DECR1: variants seen among roughly 807,000 people sequenced by gnomAD.
DECR1 encodes the protein 2,4-dienoyl-CoA reductase [(3E)-enoyl-CoA-producing], mitochondrial.
In DECR1, 44 loss-of-function variants were observed where a neutral mutation model predicts 38.8. The observed-to-expected ratio is 1.13, with a 90% CI of 0.89 to 1.46. The LOEUF (loss-of-function observed/expected upper bound fraction) is 1.46, where lower values mean the gene tolerates loss of function less well. DECR1 is among the 40% of genes most tolerant of loss of function. DECR1 has a pLI of 0.00. For synonymous variants in DECR1, 148 were observed against 135.2 expected (o/e 1.09, Z -0.66); for missense variants, 428 against 405.5 (o/e 1.06, Z -0.48).
At chr8:90,016,674 C>T (rs554320982) in intron 1 of DECR1, 33 of 158,300 alleles carry the variant, frequency 2.1e-4, no homozygotes, top group Admixed American at 3.9e-4. Context: ...AAAACAAAAC[C>T]AAAAACCAAA....
At chr8:90,002,678 G>A (rs1416520993) in intron 1 of DECR1, among the ~76,000 whole-genome samples, 1 of 152,338 alleles carries the variant, frequency 6.6e-6, no homozygotes, top group East Asian at 1.9e-4. Context: ...ATGGGCAGCA[G>A]TAGTTCCAAA....
chr8:90,017,351 TG>T (rs1207753737), intron 2 of DECR1, 25 bp downstream of exon 2: 1 of 1,592,130 alleles, frequency 6.3e-7, no homozygotes, highest in Admixed American at 1.8e-5. Context: ...TCAAGCCTAT[TG>T]GCGACGCTTT....
intron 1 of DECR1, chr8:90,005,474 C>G (rs375027276): frequency 4.4e-6 from 2 of 455,804 alleles, no homozygotes; most frequent in East Asian, 7.0e-5. Context: ...AGATGGAAGC[C>G]AAAGTATCAC....
At chr8:90,016,000 A>G (rs1017094181) in intron 1 of DECR1, among the ~76,000 whole-genome samples, 3 of 152,226 alleles carry the variant, frequency 2.0e-5, no homozygotes, top group African/African-American at 4.8e-5. Flanking sequence ...GTTAGCTCCT[A>G]TTGTTCATTA....
chr8:90,012,049 A>G (rs1812896631), intron 1 of DECR1, among the ~76,000 whole-genome samples: 1 of 151,486 alleles, frequency 6.6e-6, no homozygotes, highest in South Asian at 2.1e-4. Context: ...ATGGTCGTAT[A>G]TTTGTTTTTT....
At chr8:90,025,903 C>T (rs562333717) in intron 5 of DECR1, among the ~76,000 whole-genome samples, 1 of 152,190 alleles carries the variant, frequency 6.6e-6, no homozygotes, top group African/African-American at 2.4e-5. Flanking sequence ...CCCATCAATA[C>T]CTAATTTATT....
intron 6 of DECR1, 122 bp from the exon 7 acceptor site, chr8:90,042,606 G>T (rs968207675): frequency 5.1e-6 from 4 of 783,868 alleles, no homozygotes; most frequent in Non-Finnish European, 8.8e-6. Flanking sequence ...AACAATAATA[G>T]TACCTACCTG....
Position 90,016,994 on chromosome 8 carries a change from A to G in DECR1, c.70-130A>G, listed in dbSNP as rs1236117574. On this transcript the variant is annotated intron_variant, in intron 1 of 9. Transcript: ENST00000220764. ...AAGAATAATAATTAAGTACAATACC[A>G]ATATGTTTGCAGTGAGTTTGTGTTA... is the stretch of plus-strand genomic sequence containing the variant. 27 of 649,744 alleles carry G rather than the reference A, an allele frequency of 4.2e-5. No homozygotes were observed. The Admixed American group carries it at 7.6e-4, about 18-fold the overall frequency. The allele number at this position is 649,744 out of a possible 1,614,324, so 40.2% of individuals were successfully genotyped here. A position where few individuals can be genotyped will look rare whatever the true frequency, so the allele number is the denominator to read the frequency against.
intron 8 of DECR1, among the ~76,000 whole-genome samples, chr8:90,049,148 A>G (rs1030954192): frequency 6.6e-6 from 1 of 152,222 alleles, no homozygotes; most frequent in African/African-American, 2.4e-5. Flanking sequence ...CACCACTCCT[A>G]TTCAACATAG....
intron 8 of DECR1, among the ~76,000 whole-genome samples, chr8:90,049,366 C>T (rs936323196): frequency 6.6e-6 from 1 of 152,122 alleles, no homozygotes; most frequent in South Asian, 2.1e-4. Context: ...AAATCACAAG[C>T]ATTTTTTACA....
chr8:90,034,432 T>G (rs1206283680), intron 5 of DECR1, among the ~76,000 whole-genome samples: 2 of 152,096 alleles, frequency 1.3e-5, no homozygotes, highest in African/African-American at 4.8e-5. Context: ...ATTTGTTTAT[T>G]TATTTATTTG....
chr8:90,001,557 G>A lies in DECR1; in HGVS notation c.65G>A (p.Arg22Gln). Reference protein sequence around the residue: ...GSRLPCGLAPRRFFSYGTKIL... With the variant: ...GSRLPCGLAPQRFFSYGTKIL... The stretch of plus-strand genomic sequence containing the variant: ...CGGCTGCCCTGTGGCCTCGCTCCTC[G>A]GAGGGTAAGGCGGCCGGGGGCGCGG... The change falls in exon 1 of 10, where the codon CGG (arginine) becomes CAG (glutamine). Residue 22 changes from arginine (R) to glutamine (Q), a missense_variant. By Grantham distance (43) the Arg-to-Gln change is conservative. Transcript: ENST00000220764. 6.2e-7 allele frequency: 1 copy of A among 1,612,740 alleles called. No individual in the cohort carries two copies. Among genetic ancestry groups the A allele is most frequent in the Non-Finnish European group, 8.5e-7 (1 of 1,179,248 alleles).
chr8:90,022,417 T>A (rs1025990054), intron 5 of DECR1, among the ~76,000 whole-genome samples: 1 of 152,186 alleles, frequency 6.6e-6, no homozygotes, highest in African/African-American at 2.4e-5. Context: ...TCATTGAAAT[T>A]GAAATTCCTG....
In DECR1 at chr8:90,021,023, G is replaced by C; in HGVS notation, c.532G>C (p.Glu178Gln). 1.3e-6 allele frequency: 2 copies of C among 1,590,974 alleles called. No homozygotes were observed. The highest frequency in any genetic ancestry group is 1.7e-6 in the Non-Finnish European group (2 of 1,172,840). ...VLNGTAFVTL[E>Q]IGKQLIKAQK... The stretch of plus-strand genomic sequence containing the variant: ...AAATGGCACAGCCTTCGTGACACTA[G>C]AAATTGGAAAACAACTAATTAAAGC... Residue 178 changes from glutamate (E) to glutamine (Q), a missense_variant, in exon 5 of 10, where the codon GAA becomes CAA. By Grantham distance (29) the Glu-to-Gln change is conservative. Coordinates refer to ENST00000220764, the MANE Select transcript of DECR1 (RefSeq NM_001359.2).
intron 8 of DECR1, among the ~76,000 whole-genome samples, chr8:90,047,846 A>G (rs1813952179): frequency 6.6e-6 from 1 of 152,272 alleles, no homozygotes; most frequent in South Asian, 2.1e-4. Flanking sequence ...CTCAGACCAC[A>G]GTGCAATCAA....
At chr8:90,030,187 C>T (rs1813461497) in intron 5 of DECR1, among the ~76,000 whole-genome samples, 1 of 152,144 alleles carries the variant, frequency 6.6e-6, no homozygotes. Flanking sequence ...GCTGATCTGA[C>T]ATTAGGTGGA....
At chr8:90,043,973 T>C (rs1389327984) in intron 7 of DECR1, among the ~76,000 whole-genome samples, 1 of 152,220 alleles carries the variant, frequency 6.6e-6, no homozygotes, top group African/African-American at 2.4e-5. Flanking sequence ...CTGAGAAAGA[T>C]ACAGAAGTAT....
chr8:90,020,165 A>G (rs896700127), intron 4 of DECR1, among the ~76,000 whole-genome samples: 2 of 152,222 alleles, frequency 1.3e-5, no homozygotes, highest in Admixed American at 6.5e-5. Flanking sequence ...GCACTTTTCT[A>G]TGTTAAAGGT....
At chr8:90,020,113 T>C (rs1813112982) in intron 4 of DECR1, among the ~76,000 whole-genome samples, 1 of 152,242 alleles carries the variant, frequency 6.6e-6, no homozygotes, top group Admixed American at 6.5e-5. Context: ...GCTTGGTACA[T>C]TTATCGGAGA....
Sources: allele counts gnomAD v4.1 joint callset (sites outside exome capture counted in the v4.1 genomes callset), GRCh38; gene constraint gnomAD v4.1.1; transcripts MANE v1.5; gene names NCBI Gene and HGNC (gene_info 2026-07-23, HGNC 2026-07-21).